The following TDRD12 variants were observed in gnomAD, a reference collection of about 807,000 sequenced individuals.
TDRD12 encodes the protein putative ATP-dependent RNA helicase TDRD12.
A neutral mutation model predicts 133.5 loss-of-function variants in TDRD12; 158 were observed. The observed-to-expected ratio is 1.18, with a 90% CI of 1.04 to 1.35. The LOEUF is 1.35. TDRD12 is among the 40% of genes most tolerant of loss of function. The pLI, the probability that TDRD12 is intolerant of heterozygous loss-of-function variation, is 0.00. For synonymous variants in TDRD12, 460 were observed against 477.9 expected (o/e 0.96, Z 0.49); for missense variants, 1,443 against 1,321.3 (o/e 1.09, Z -1.43).
At chr19:32,769,731 G>T (rs1171303027) in intron 8 of TDRD12, among the ~76,000 whole-genome samples, 1 of 152,046 alleles carries the variant, frequency 6.6e-6, no homozygotes, top group East Asian at 1.9e-4. Flanking sequence ...CCGCCTCCTG[G>T]ATTCAAGTGA....
Position 32,804,160 on chromosome 19 carries a change from C to T in TDRD12, c.2552+1018C>T, listed in dbSNP as rs559751391. Among the ~76,000 whole-genome samples, 12 of 151,952 alleles carry T rather than the reference C, an allele frequency of 7.9e-5. No homozygotes were observed. In the South Asian group the frequency reaches 2.5e-3, roughly 32 times the overall value. ...CCATCTCGGCTCACTGCAAGCTCCA[C>T]CTCCCAGGTTCACGCCATTCTCTTG... On this transcript the variant is annotated intron_variant, in intron 21 of 27. Transcript: ENST00000444215.
intron 4 of TDRD12, among the ~76,000 whole-genome samples, chr19:32,745,436 T>C (rs1969573314): frequency 6.6e-6 from 1 of 152,212 alleles, no homozygotes; most frequent in Middle Eastern, 3.2e-3. Flanking sequence ...TTTTGTCAAA[T>C]TCCCCTTCAA....
exon 5 of TDRD12, chr19:32,748,508 A>G (rs1406198988): frequency 3.9e-6 from 6 of 1,551,816 alleles, no homozygotes; most frequent in Non-Finnish European, 5.2e-6. Context: ...GCAGCTATTC[A>G]GTACTTTCAG....
intron 11 of TDRD12, among the ~76,000 whole-genome samples, chr19:32,790,142 A>G (rs1275589723): frequency 6.6e-6 from 1 of 152,212 alleles, no homozygotes; most frequent in Non-Finnish European, 1.5e-5. Flanking sequence ...TGTGACTGCC[A>G]CTGGCCTTAC....
chr19:32,768,236 A>G (rs1377324372), intron 8 of TDRD12, among the ~76,000 whole-genome samples: 1 of 152,182 alleles, frequency 6.6e-6, no homozygotes, highest in East Asian at 1.9e-4. Flanking sequence ...CAGGATAACT[A>G]ACAGACCCTG....
rs35069423 is a variant in TDRD12 at position 32,781,687 on chromosome 19, TTCTCTCTC to T, written c.1121+4476_1121+4483del. On this transcript the variant is annotated intron_variant, in intron 11 of 27. Coordinates refer to ENST00000444215, the Ensembl canonical transcript of TDRD12. ...TTCTTTATATATGACTCCTTTCCTT[TTCTCTCTC>T]TCTCTCTCTCTCTCTCTGGAAGCTT... Among the ~76,000 whole-genome samples, 872 of 148,382 alleles carry T rather than the reference TTCTCTCTC, an allele frequency of 5.9e-3. 7 individuals are homozygous for T. The highest frequency in any genetic ancestry group is 0.017 in the East Asian group (83 of 4,982).
At chr19:32,811,369 T>C (rs1251414580) in exon 24 of TDRD12, 2 of 1,536,176 alleles carry the variant, frequency 1.3e-6, no homozygotes, top group Non-Finnish European at 1.7e-6. Flanking sequence ...CTGTGGAGTT[T>C]ATTGTCTGTA....
At chr19:32,781,037 G>C (rs928473097) in intron 11 of TDRD12, among the ~76,000 whole-genome samples, 5 of 151,294 alleles carry the variant, frequency 3.3e-5, no homozygotes, top group African/African-American at 1.2e-4. Flanking sequence ...CCACCTCCTG[G>C]GTTCACGCCA....
chr19:32,722,419 C>A (rs1484956887), intron 1 of TDRD12, among the ~76,000 whole-genome samples: 3 of 152,106 alleles, frequency 2.0e-5, no homozygotes. Context: ...CAGCTCACCC[C>A]CTGAGCAAAT....
At chr19:32,735,552 G>C (rs1378939905) in intron 2 of TDRD12, among the ~76,000 whole-genome samples, 1 of 152,234 alleles carries the variant, frequency 6.6e-6, no homozygotes, top group Non-Finnish European at 1.5e-5. Context: ...TGGAGAGGCT[G>C]CAGCAGTTTC....
At chr19:32,722,629 C>A (rs779831908) in intron 1 of TDRD12, among the ~76,000 whole-genome samples, 1 of 151,852 alleles carries the variant, frequency 6.6e-6, no homozygotes, top group Non-Finnish European at 1.5e-5. Flanking sequence ...GTCTGACTCA[C>A]AGTCACAAAG....
intron 11 of TDRD12, among the ~76,000 whole-genome samples, chr19:32,778,373 A>G (rs1180756570): frequency 1.3e-5 from 2 of 152,066 alleles, no homozygotes; most frequent in South Asian, 2.1e-4. Flanking sequence ...CTAATACCCA[A>G]AGGTTTTGCT....
At chr19:32,776,421 C>T (rs1970586866) in intron 10 of TDRD12, among the ~76,000 whole-genome samples, 1 of 152,066 alleles carries the variant, frequency 6.6e-6, no homozygotes, top group Non-Finnish European at 1.5e-5. Flanking sequence ...GGCCTTGGGG[C>T]CCGGTGAGGA....
chr19:32,821,279 A>T (rs1967378369), downstream of TDRD12: 2 of 764,056 alleles, frequency 2.6e-6, no homozygotes, highest in Admixed American at 2.8e-5. Context: ...CTTATTTTTG[A>T]CAGGTCAGCC....
At chr19:32,748,418 G>C in intron 4 of TDRD12, 58 bp from the exon 5 acceptor site, 1 of 1,501,666 alleles carries the variant, frequency 6.7e-7, no homozygotes, top group East Asian at 2.5e-5. Flanking sequence ...ACAAAATGCT[G>C]TTGGTGTGCT....
chr19:32,790,910 C>A, intron 12 of TDRD12, 54 bp from the exon 13 acceptor site: 1 of 1,514,298 alleles, frequency 6.6e-7, no homozygotes, highest in South Asian at 1.2e-5. Context: ...TCTTGATCTC[C>A]TGTGCTGACG....
At chr19:32,821,389 TGTGTGTGTGTGTGTGTGTGTGC>T (rs977214146), downstream of TDRD12, 154 of 415,274 alleles carry the variant, frequency 3.7e-4, no homozygotes, top group Middle Eastern at 6.5e-4. Context: ...TGTGTGTGTG[TGTGTGTGTGTGTGTGTGTGTGC>T]GTGTGAACCA....
At chr19:32,782,928 A>G (rs1409873902) in intron 11 of TDRD12, among the ~76,000 whole-genome samples, 1 of 152,198 alleles carries the variant, frequency 6.6e-6, no homozygotes, top group Non-Finnish European at 1.5e-5. Flanking sequence ...GTTCATTATG[A>G]TGATAGTTTC....
At chr19:32,790,973 C>A in exon 13 of TDRD12, 1 of 1,535,808 alleles carries the variant, frequency 6.5e-7, no homozygotes, top group Non-Finnish European at 8.7e-7. Context: ...GTTGCAGAAG[C>A]TGAAGGGCCT....
Sources: gnomAD v4.1 joint callset for allele counts (sites outside exome capture counted in the v4.1 genomes callset) on GRCh38, gnomAD v4.1.1 for gene constraint, MANE v1.5 for transcripts, NCBI Gene and HGNC (gene_info 2026-07-23, HGNC 2026-07-21) for gene names.